Variants in OTUD7A observed in about 807,000 individuals in gnomAD.
OTUD7A encodes the protein OTU deubiquitinase 7A.
Under a neutral mutation model 65.7 loss-of-function variants are expected in OTUD7A, and 12 were observed. The observed-to-expected ratio is 0.18, with a 90% CI of 0.12 to 0.30. OTUD7A has a LOEUF of 0.30. OTUD7A is among the 10% of genes least tolerant of loss of function. The pLI is 1.00. For missense variants in OTUD7A, 1,148 were observed against 1,304.8 expected, an observed-to-expected ratio of 0.88 and a Z score of 1.85; for synonymous variants, 641 against 586.3, an observed-to-expected ratio of 1.09 and a Z score of -1.35.
At chr15:31,520,003 G>C (rs1023922445) in intron 8 of OTUD7A, among the ~76,000 whole-genome samples, 1 of 152,094 alleles carries the variant, frequency 6.6e-6, no homozygotes, top group African/African-American at 2.4e-5. Context: ...TGACACAAAT[G>C]AATGGAAAAA....
chr15:31,526,361 C>T lies in OTUD7A; in HGVS notation c.881G>A (p.Gly294Asp), dbSNP rs752152442. The T allele has an allele frequency of 1.6e-5, 26 of 1,596,644 alleles. No individual in the cohort carries two copies. The African/African-American group carries it at 3.2e-4, about 20-fold the overall frequency. ...EPRTHFSKNG[G>D]TGGGVDNSED... The stretch of plus-strand genomic sequence containing the variant: ...GGGCAGCACTTACCCCCCGCCCGTG[C>T]CGCCATTCTTGCTGAAGTGTGTGCG... Residue 294 changes from glycine (G) to aspartate (D), a missense_variant, in exon 8 of 13, where the codon GGC becomes GAC. Coordinates refer to ENST00000307050, the MANE Select transcript of OTUD7A (RefSeq NM_001382637.1).
chr15:31,865,185 TAAAAAG>T (rs1008103798), intron 1 of OTUD7A, among the ~76,000 whole-genome samples: 13 of 152,218 alleles, frequency 8.5e-5, no homozygotes, highest in Non-Finnish European at 1.9e-4. Flanking sequence ...TCATACATTT[TAAAAAG>T]AAAAAGTTAA....
intron 2 of OTUD7A, among the ~76,000 whole-genome samples, chr15:31,656,673 G>A (rs1892002920): frequency 6.6e-6 from 1 of 152,066 alleles, no homozygotes; most frequent in Non-Finnish European, 1.5e-5. Flanking sequence ...CCACTGGGAT[G>A]GGTGCTGCTT....
rs546746996 is a variant in OTUD7A, at chr15:31,647,623, C to G, written c.151+7473G>C. ...TGTACACACTCATACCTGCTTCCTTCTCCCCGACTTAGTTATCTCCACAGC... is the reference window on the plus strand; with the variant it reads ...TGTACACACTCATACCTGCTTCCTTGTCCCCGACTTAGTTATCTCCACAGC... On this transcript the variant is annotated intron_variant, in intron 3 of 12. Transcript: ENST00000307050. Among the ~76,000 whole-genome samples, 80 of 152,228 alleles carry G rather than the reference C, an allele frequency of 5.3e-4. 1 individual carries two copies. The highest frequency in any genetic ancestry group is 1.7e-3 in the African/African-American group (70 of 41,542).
At chr15:31,625,042 G>C (rs1890909174) in intron 3 of OTUD7A, among the ~76,000 whole-genome samples, 1 of 152,198 alleles carries the variant, frequency 6.6e-6, no homozygotes, top group South Asian at 2.1e-4. Flanking sequence ...TCCACCATAA[G>C]CTGTCGCTTT....
rs1318523281 is a variant in OTUD7A, at chr15:31,559,164, A to C, written c.355T>G (p.Ser119Ala). 1 of 1,613,654 alleles carries C rather than the reference A, an allele frequency of 6.2e-7. No homozygotes were observed. Among genetic ancestry groups the C allele is most frequent in the Non-Finnish European group, 8.5e-7 (1 of 1,179,690 alleles). The change falls in exon 5 of 13, where the codon TCC becomes GCC. Residue 119 changes from serine (S) to alanine (A), a missense_variant. This residue lies in a region of OTUD7A where 134 missense variants were observed against 252.6 expected (regional missense o/e 0.53). Transcript: ENST00000307050. ...GAGACGATGGCTGAGCTGGCGTGGG[A>C]AATCCCCCGGGAAAGCCGCTTTTCT... ...AQEKRLSRGI[S>A]HASSAIVSLA...
At chr15:31,728,731 A>G (rs980033547) in intron 1 of OTUD7A, among the ~76,000 whole-genome samples, 1 of 152,152 alleles carries the variant, frequency 6.6e-6, no homozygotes, top group African/African-American at 2.4e-5. Context: ...TCCCACCTTT[A>G]TTTTCTCACG....
intron 1 of OTUD7A, among the ~76,000 whole-genome samples, chr15:31,743,658 G>A (rs1009934956): frequency 6.6e-6 from 1 of 152,084 alleles, no homozygotes; most frequent in Non-Finnish European, 1.5e-5. Context: ...TGTAATCCCA[G>A]CACTTTGGGA....
intron 1 of OTUD7A, among the ~76,000 whole-genome samples, chr15:31,713,266 T>C (rs1893495490): frequency 6.6e-6 from 1 of 152,172 alleles, no homozygotes; most frequent in Non-Finnish European, 1.5e-5. Context: ...TGGAGGAGCA[T>C]CTGCATGAAC....
chr15:31,586,183 A>G (rs1889530848), intron 3 of OTUD7A, among the ~76,000 whole-genome samples: 1 of 152,214 alleles, frequency 6.6e-6, no homozygotes, highest in Non-Finnish European at 1.5e-5. Flanking sequence ...TGACCAAAGA[A>G]GGGAAATGCA....
At chr15:31,845,758 T>C (rs1180624415) in intron 1 of OTUD7A, among the ~76,000 whole-genome samples, 1 of 152,322 alleles carries the variant, frequency 6.6e-6, no homozygotes, top group East Asian at 1.9e-4. Flanking sequence ...CCAGTGGTAT[T>C]CTAACCTGGC....
chr15:31,611,544 A>G (rs992844398), intron 3 of OTUD7A, among the ~76,000 whole-genome samples: 2 of 152,198 alleles, frequency 1.3e-5, no homozygotes, highest in African/African-American at 4.8e-5. Flanking sequence ...TTACTCACAT[A>G]CTAGAAAACA....
intron 1 of OTUD7A, among the ~76,000 whole-genome samples, chr15:31,758,325 GC>G (rs1318043417): frequency 6.6e-6 from 1 of 152,066 alleles, no homozygotes; most frequent in Non-Finnish European, 1.5e-5. Context: ...TGTGGTCATC[GC>G]CCTCTGGGCA....
intron 1 of OTUD7A, among the ~76,000 whole-genome samples, chr15:31,670,729 C>T (rs1432595975): frequency 5.9e-5 from 9 of 152,256 alleles, no homozygotes; most frequent in Non-Finnish European, 8.8e-5. Flanking sequence ...CGGTGGCTCA[C>T]GCCTGTAATC....
intron 1 of OTUD7A, among the ~76,000 whole-genome samples, chr15:31,834,960 G>C (rs1273460998): frequency 6.6e-6 from 1 of 152,228 alleles, no homozygotes; most frequent in Non-Finnish European, 1.5e-5. Context: ...GATGGTGCAG[G>C]ACACAAACTA....
intron 1 of OTUD7A, among the ~76,000 whole-genome samples, chr15:31,816,114 T>C (rs1173406613): frequency 1.3e-5 from 2 of 152,180 alleles, no homozygotes; most frequent in Non-Finnish European, 2.9e-5. Flanking sequence ...GTGAGGATGC[T>C]GCTTTGAGGG....
In OTUD7A at chr15:31,711,910, C is replaced by T. The variant is rs529047413; in HGVS notation, c.-99-54833G>A. ...ACAATGGCCTGAAAGGTGATTTTTC[C>T]TGCTTCCTTGGCAGATGGCGGTTAT... On this transcript the variant is annotated intron_variant, in intron 1 of 12. Coordinates refer to ENST00000307050, the MANE Select transcript of OTUD7A (RefSeq NM_001382637.1). 4.6e-5 allele frequency among the ~76,000 whole-genome samples: 7 copies of T among 152,116 alleles called. No individual in the cohort carries two copies. The South Asian group carries it at 6.2e-4, about 14-fold the overall frequency.
chr15:31,694,558 T>A (rs1893031453), intron 1 of OTUD7A, among the ~76,000 whole-genome samples: 1 of 152,172 alleles, frequency 6.6e-6, no homozygotes, highest in Non-Finnish European at 1.5e-5. Flanking sequence ...TCCCCATATA[T>A]CCCTTGAACT....
intron 8 of OTUD7A, 114 bp from the exon 9 acceptor site, chr15:31,503,932 A>T (rs1011936297): frequency 7.7e-7 from 1 of 1,293,274 alleles, no homozygotes; most frequent in African/African-American, 1.5e-5. Flanking sequence ...TATTATCTTC[A>T]TGGACCCCGG....
Sources: gnomAD v4.1 joint callset for allele counts (sites outside exome capture counted in the v4.1 genomes callset) on GRCh38, gnomAD v4.1.1 for gene constraint, gnomAD v4.1.1 regional missense constraint, MANE v1.5 for transcripts, NCBI Gene and HGNC (gene_info 2026-07-23, HGNC 2026-07-21) for gene names.